TLE1: variants seen among roughly 807,000 people sequenced by gnomAD.
TLE1 encodes transducin-like enhancer protein 1.
In TLE1, 21 loss-of-function variants were observed where a neutral mutation model predicts 89.8. The ratio of observed to expected loss-of-function variants is 0.23; its 90% CI spans 0.17 to 0.34. The LOEUF (loss-of-function observed/expected upper bound fraction) is 0.34, where lower values mean the gene tolerates loss of function less well. Among genes scored for constraint, TLE1 ranks in the 10% least tolerant of loss-of-function variants. The probability of loss-of-function intolerance (pLI) is 1.00; values close to 1 mark genes in which losing one functional copy is unlikely to be tolerated. For synonymous variants in TLE1, 447 were observed against 407.6 expected, an observed-to-expected ratio of 1.10 and a Z score of -1.16; for missense variants, 795 against 1,031.2, an observed-to-expected ratio of 0.77 and a Z score of 3.14.
chr9:81,587,878 T>C, intron 16 of TLE1, 50 bp from the exon 17 acceptor site: 1 of 1,321,384 alleles, frequency 7.6e-7, no homozygotes, highest in Non-Finnish European at 1.0e-6. Context: ...GAGCTCAAGG[T>C]AAACACTGTT....
intron 5 of TLE1, among the ~76,000 whole-genome samples, chr9:81,652,690 T>C (rs1053978896): frequency 1.8e-4 from 27 of 152,224 alleles, no homozygotes; most frequent in Non-Finnish European, 7.3e-5. Flanking sequence ...GGCTCATGCC[T>C]GTAATCCCAG....
At chr9:81,615,216 C>T (rs1824309425) in intron 11 of TLE1, among the ~76,000 whole-genome samples, 1 of 149,334 alleles carries the variant, frequency 6.7e-6, no homozygotes, top group Non-Finnish European at 1.5e-5. Flanking sequence ...GTAATCCCAG[C>T]TACTGGGGAG....
chr9:81,653,571 A>G lies in TLE1; in HGVS notation c.297+403T>C, dbSNP rs191001529. ...AGCATTAAGACAACTGCCTTGATAC[A>G]TAAGTACAAAAGAACTATCTGCCTC... On this transcript the variant is annotated intron_variant, in intron 5 of 19. Coordinates refer to ENST00000376499, the MANE Select transcript of TLE1 (RefSeq NM_005077.5). 1.3e-3 allele frequency among the ~76,000 whole-genome samples: 194 copies of G among 152,320 alleles called. 2 individuals are homozygous for G. The highest frequency in any genetic ancestry group is 1.4e-3 in the Non-Finnish European group (95 of 68,032).
intron 9 of TLE1, among the ~76,000 whole-genome samples, chr9:81,620,159 A>C (rs544841236): frequency 6.6e-6 from 1 of 152,328 alleles, no homozygotes; most frequent in South Asian, 2.1e-4. Context: ...ACTCCTAACA[A>C]GAGCAGGGCC....
intron 4 of TLE1, among the ~76,000 whole-genome samples, chr9:81,663,068 A>G (rs1410481269): frequency 1.3e-5 from 2 of 151,964 alleles, no homozygotes; most frequent in Non-Finnish European, 2.9e-5. Flanking sequence ...CTGGTCTCGA[A>G]CTCCTTACCT....
At chr9:81,667,325 G>C (rs1004684345) in intron 4 of TLE1, among the ~76,000 whole-genome samples, 2 of 150,374 alleles carry the variant, frequency 1.3e-5, no homozygotes, top group Non-Finnish European at 3.0e-5. Flanking sequence ...AAACCCGGGT[G>C]GCAGAAGTTG....
intron 4 of TLE1, among the ~76,000 whole-genome samples, chr9:81,685,019 T>C (rs1196155205): frequency 6.6e-6 from 1 of 152,220 alleles, no homozygotes; most frequent in Non-Finnish European, 1.5e-5. Context: ...CTCATAGTCA[T>C]TGCTAGAGCT....
chr9:81,616,243 T>C (rs1824499142), intron 10 of TLE1, 109 bp from the exon 11 acceptor site: 1 of 1,417,200 alleles, frequency 7.1e-7, no homozygotes, highest in Non-Finnish European at 9.6e-7. Flanking sequence ...GTCCTTCGGG[T>C]TGGGGTTGTA....
chr9:81,654,517 A>T (rs2132658953), intron 4 of TLE1, among the ~76,000 whole-genome samples: 1 of 151,898 alleles, frequency 6.6e-6, no homozygotes, highest in South Asian at 2.1e-4. Flanking sequence ...ATTTTTTTCT[A>T]TTTTTAGTAG....
chr9:81,625,340 G>A (rs1483719974), intron 8 of TLE1, among the ~76,000 whole-genome samples: 2 of 152,158 alleles, frequency 1.3e-5, no homozygotes, highest in Admixed American at 1.3e-4. Context: ...AAAAGAGCTG[G>A]TCAGAAGAAA....
intron 7 of TLE1, chr9:81,633,769 T>C: frequency 2.1e-6 from 1 of 479,992 alleles, no homozygotes; most frequent in Non-Finnish European, 3.7e-6. Flanking sequence ...TTCGCCCCAT[T>C]TAACAACATT....
intron 17 of TLE1, 137 bp from the exon 18 acceptor site, chr9:81,585,792 G>A: frequency 1.9e-6 from 2 of 1,061,470 alleles, no homozygotes; most frequent in Non-Finnish European, 2.7e-6. Context: ...AGGTCCACAG[G>A]GCAAGTGATC....
At chr9:81,660,934 AACACACACACACACACACACAC>A (rs548190067) in intron 4 of TLE1, among the ~76,000 whole-genome samples, 104 of 88,848 alleles carry the variant, frequency 1.2e-3, no homozygotes, top group African/African-American at 3.8e-3. Context: ...ATCCCTACTA[AACACACACACACACACACACAC>A]ACACACACAC....
At chr9:81,679,027 A>C (rs1478372772) in intron 4 of TLE1, among the ~76,000 whole-genome samples, 1 of 152,178 alleles carries the variant, frequency 6.6e-6, no homozygotes, top group African/African-American at 2.4e-5. Flanking sequence ...GCACGCCTGT[A>C]ATCCCAGCTA....
chr9:81,612,145 C>T (rs1464180233), intron 12 of TLE1, 186 bp from the exon 13 acceptor site: 1 of 607,066 alleles, frequency 1.6e-6, no homozygotes, highest in Non-Finnish European at 2.4e-6. Flanking sequence ...GCGAATGCAT[C>T]TCCAGGAAAG....
intron 4 of TLE1, among the ~76,000 whole-genome samples, chr9:81,684,812 G>GT (rs1401471596): frequency 5.3e-5 from 8 of 151,950 alleles, no homozygotes; most frequent in Non-Finnish European, 1.2e-4. Context: ...GAATGTCAGC[G>GT]TATCTCCAGA....
intron 13 of TLE1, among the ~76,000 whole-genome samples, chr9:81,611,565 A>C (rs1340694416): frequency 1.3e-5 from 2 of 152,206 alleles, no homozygotes; most frequent in Non-Finnish European, 2.9e-5. Flanking sequence ...TTTGGCCCTC[A>C]CTTAATGAAG....
chr9:81,595,382 T>A (rs1186221605), intron 14 of TLE1, among the ~76,000 whole-genome samples: 1 of 152,184 alleles, frequency 6.6e-6, no homozygotes, highest in Non-Finnish European at 1.5e-5. Context: ...CCTACAAGAA[T>A]TCTAGGCTTT....
chr9:81,587,101 T>C (rs1376358093), intron 17 of TLE1, among the ~76,000 whole-genome samples: 2 of 152,332 alleles, frequency 1.3e-5, no homozygotes, highest in Non-Finnish European at 1.5e-5. Flanking sequence ...ATCTACAAAG[T>C]TGCCATTTAT....
Sources: gnomAD v4.1 joint callset for allele counts (sites outside exome capture counted in the v4.1 genomes callset) on GRCh38, gnomAD v4.1.1 for gene constraint, MANE v1.5 for transcripts, NCBI Gene and HGNC (gene_info 2026-07-23, HGNC 2026-07-21) for gene names.